Variants in GSE1 observed in about 807,000 individuals in gnomAD.
GSE1 encodes the protein genetic suppressor element 1.
A neutral mutation model predicts 112.6 loss-of-function variants in GSE1; 32 were observed. That is an observed-to-expected ratio of 0.28 (90% CI 0.21 to 0.38). The LOEUF (loss-of-function observed/expected upper bound fraction) is 0.38, where lower values mean the gene tolerates loss of function less well. Ranked by LOEUF, GSE1 falls within the 10% of genes least tolerant of loss-of-function variation. The pLI, the probability that GSE1 is intolerant of heterozygous loss-of-function variation, is 1.00. For missense variants in GSE1, 2,348 were observed against 1,699.2 expected (o/e 1.38, Z -6.71); for synonymous variants, 1,115 against 735.6 (o/e 1.52, Z -8.35).
chr16:85,399,416 C>A (rs2048042081), intron 2 of GSE1, among the ~76,000 whole-genome samples: 1 of 152,162 alleles, frequency 6.6e-6, no homozygotes, highest in South Asian at 2.1e-4. Flanking sequence ...TTAATGCATT[C>A]CAAAAAGTAG....
At chr16:85,584,258 G>C (rs1342519520) in intron 1 of GSE1, among the ~76,000 whole-genome samples, 1 of 152,174 alleles carries the variant, frequency 6.6e-6, no homozygotes, top group African/African-American at 2.4e-5. Flanking sequence ...TTGGGCAGGA[G>C]GGAGTTCCCA....
intron 1 of GSE1, among the ~76,000 whole-genome samples, chr16:85,582,419 A>T (rs532116300): frequency 6.6e-6 from 1 of 152,246 alleles, no homozygotes; most frequent in Admixed American, 6.5e-5. Context: ...TAAGTGCAGG[A>T]GAGGAAATGG....
chr16:85,324,368 G>A (rs1228270957), intron 1 of GSE1, among the ~76,000 whole-genome samples: 5 of 152,074 alleles, frequency 3.3e-5, no homozygotes. Context: ...AAATTAGCTG[G>A]GTGTGGTGGC....
intron 1 of GSE1, among the ~76,000 whole-genome samples, chr16:85,214,567 A>T (rs1222596653): frequency 6.6e-6 from 1 of 152,068 alleles, no homozygotes; most frequent in Non-Finnish European, 1.5e-5. Context: ...ACTTCTCCTA[A>T]CCGAACTGCA....
chr16:85,325,381 G>C (rs906607854), intron 1 of GSE1, among the ~76,000 whole-genome samples: 17 of 152,072 alleles, frequency 1.1e-4, no homozygotes, highest in African/African-American at 3.6e-4. Flanking sequence ...AGTTCTTCCA[G>C]TGTCACGATC....
chr16:85,528,561 C>T (rs916990463), intron 2 of GSE1, among the ~76,000 whole-genome samples: 1 of 151,906 alleles, frequency 6.6e-6, no homozygotes, highest in Non-Finnish European at 1.5e-5. Context: ...TGGCTTTAAG[C>T]GATCCTCCTG....
chr16:85,359,895 A>G (rs924649337), intron 2 of GSE1, among the ~76,000 whole-genome samples: 2 of 152,126 alleles, frequency 1.3e-5, no homozygotes, highest in African/African-American at 4.8e-5. Flanking sequence ...TTAGCCGGGC[A>G]TGGTGGCACG....
At chr16:85,646,892 AG>A (rs55946477) in intron 2 of GSE1, among the ~76,000 whole-genome samples, 40,517 of 128,838 alleles carry the variant, frequency 0.31, 5,489 homozygotes, top group Middle Eastern at 0.37. Flanking sequence ...CCCCACAACA[AG>A]GGGGGGGGTG....
intron 1 of GSE1, among the ~76,000 whole-genome samples, chr16:85,292,560 C>T (rs2045254292): frequency 6.6e-6 from 1 of 152,170 alleles, no homozygotes; most frequent in African/African-American, 2.4e-5. Flanking sequence ...ATCTTGTGAC[C>T]TTGTGATCCA....
intron 3 of GSE1, among the ~76,000 whole-genome samples, chr16:85,654,034 CAGGG>C (rs1234385892): frequency 6.6e-6 from 1 of 152,128 alleles, no homozygotes; most frequent in Non-Finnish European, 1.5e-5. Flanking sequence ...TGAGGAGGCC[CAGGG>C]AGGGAGACGG....
intron 1 of GSE1, among the ~76,000 whole-genome samples, chr16:85,200,658 C>T (rs553403937): frequency 3.3e-5 from 5 of 152,154 alleles, no homozygotes; most frequent in South Asian, 2.1e-4. Context: ...TGCCCTCTTT[C>T]GCCCCACATT....
chr16:85,307,276 G>A (rs1175182022), intron 1 of GSE1, among the ~76,000 whole-genome samples: 3 of 152,162 alleles, frequency 2.0e-5, no homozygotes, highest in African/African-American at 2.4e-5. Flanking sequence ...AGTGGCCACC[G>A]CTTTCTCTTG....
intron 2 of GSE1, among the ~76,000 whole-genome samples, chr16:85,482,503 C>CG (rs2050711868): frequency 6.7e-6 from 1 of 148,520 alleles, no homozygotes; most frequent in African/African-American, 2.5e-5. Flanking sequence ...ACTCAGTTCC[C>CG]CCCCCAAATA....
At chr16:85,354,485 C>T (rs1457572108) in intron 1 of GSE1, among the ~76,000 whole-genome samples, 1 of 152,260 alleles carries the variant, frequency 6.6e-6, no homozygotes, top group Non-Finnish European at 1.5e-5. Context: ...AGCCTCACCA[C>T]AGCCGTGTTT....
chr16:85,477,151 A>G (rs1459844441), intron 2 of GSE1, among the ~76,000 whole-genome samples: 1 of 151,954 alleles, frequency 6.6e-6, no homozygotes, highest in African/African-American at 2.4e-5. Flanking sequence ...TGGTCGGGTG[A>G]TCCGCCTGCC....
intron 2 of GSE1, among the ~76,000 whole-genome samples, chr16:85,524,028 C>G (rs2052280778): frequency 6.6e-6 from 1 of 152,206 alleles, no homozygotes; most frequent in African/African-American, 2.4e-5. Context: ...CTGCCTTGAG[C>G]CCTGTCTCCC....
intron 2 of GSE1, among the ~76,000 whole-genome samples, chr16:85,639,661 C>G (rs1222183929): frequency 2.0e-5 from 3 of 152,244 alleles, no homozygotes; most frequent in African/African-American, 7.2e-5. Flanking sequence ...AGCTCCACAC[C>G]CTGAAGGCAG....
intron 1 of GSE1, among the ~76,000 whole-genome samples, chr16:85,235,897 G>C (rs979477402): frequency 6.6e-6 from 1 of 151,954 alleles, no homozygotes; most frequent in East Asian, 1.9e-4. Context: ...CCGCCCCCGC[G>C]CTGGCCGGGC....
At chr16:85,177,673 G>T (rs548182010) in intron 1 of GSE1, among the ~76,000 whole-genome samples, 23 of 152,348 alleles carry the variant, frequency 1.5e-4, no homozygotes, top group African/African-American at 5.5e-4. Context: ...AAAACGTCTT[G>T]TGATTTATTG....
Sources: gnomAD v4.1 joint callset for allele counts (sites outside exome capture counted in the v4.1 genomes callset) on GRCh38, gnomAD v4.1.1 for gene constraint, MANE v1.5 for transcripts, NCBI Gene and HGNC (gene_info 2026-07-23, HGNC 2026-07-21) for gene names.